Variants in BTNL9 observed in about 807,000 individuals in gnomAD.
BTNL9 encodes butyrophilin like 9, also known as butyrophilin-like protein 9.
In BTNL9, 45 loss-of-function variants were observed where a neutral mutation model predicts 45.8. The observed-to-expected ratio is 0.98, with a 90% CI of 0.77 to 1.26. BTNL9 has a LOEUF of 1.26. Ranked by LOEUF, BTNL9 falls within the 50% of genes most tolerant of loss-of-function variation. The pLI is 0.00. For synonymous variants in BTNL9, 346 were observed against 330.8 expected, an observed-to-expected ratio of 1.05 and a Z score of -0.50; for missense variants, 784 against 729.7, an observed-to-expected ratio of 1.07 and a Z score of -0.86.
intron 6 of BTNL9, 73 bp from the exon 7 acceptor site, chr5:181,054,166 G>A: frequency 6.2e-7 from 1 of 1,602,740 alleles, no homozygotes; most frequent in Non-Finnish European, 8.5e-7. Flanking sequence ...TCACCCATCT[G>A]TTCTGTCTGC....
In BTNL9 at chr5:181,045,487, G is replaced by T; in HGVS notation, c.-3G>T. ...TCCAGGTGGCCCCCACTGCTGACGA[G>T]AGATGGTGGACCTCTCAGTCTCCCC... On this transcript the variant is annotated 5_prime_UTR_variant, in exon 2 of 11. Transcript: ENST00000327705. The T allele has an allele frequency of 6.3e-7, 1 of 1,597,774 alleles. No homozygotes were observed. The highest frequency in any genetic ancestry group is 1.1e-5 in the South Asian group (1 of 90,860).
chr5:181,043,913 C>T (rs182473330), intron 1 of BTNL9, among the ~76,000 whole-genome samples: 86 of 152,350 alleles, frequency 5.6e-4, no homozygotes, highest in African/African-American at 2.0e-3. Flanking sequence ...AGGCCTCTGC[C>T]CATGCTGGTT....
At chr5:181,043,975 CG>C (rs1561973435) in intron 1 of BTNL9, among the ~76,000 whole-genome samples, 1 of 152,340 alleles carries the variant, frequency 6.6e-6, no homozygotes, top group East Asian at 1.9e-4. Flanking sequence ...GGCCCCGCTT[CG>C]GGGGGACCCC....
chr5:181,054,928 G>C (rs1761796533), intron 7 of BTNL9: 2 of 985,492 alleles, frequency 2.0e-6, no homozygotes, highest in Middle Eastern at 5.2e-4. Context: ...TTTTGAAAGA[G>C]CTTGACATTG....
chr5:181,052,349 TAC>T (rs954282815), intron 4 of BTNL9, among the ~76,000 whole-genome samples: 5 of 152,048 alleles, frequency 3.3e-5, no homozygotes, highest in African/African-American at 1.2e-4. Context: ...GTTTAATAAG[TAC>T]AGAGTTTCAG....
Position 181,050,817 on chromosome 5 carries a change from A to T in BTNL9, c.736+448A>T, listed in dbSNP as rs1761490455. ...GAAGGTGGTAGGTGCAGCCGGGTGCAGTGGCTCACGCCTGTAATCCCAGCA... is the reference window on the plus strand; with the variant it reads ...GAAGGTGGTAGGTGCAGCCGGGTGCTGTGGCTCACGCCTGTAATCCCAGCA... On this transcript the variant is annotated intron_variant, in intron 4 of 10. Transcript: ENST00000327705. The surrounding 1 kb of genome is among the most constrained non-coding windows in gnomAD (Gnocchi z 4.9). Among the ~76,000 whole-genome samples, 1 of 152,190 alleles carries T rather than the reference A, an allele frequency of 6.6e-6. No homozygotes were observed. The highest frequency in any genetic ancestry group is 2.1e-4 in the South Asian group (1 of 4,816).
In BTNL9 at chr5:181,053,201, C is replaced by A; in HGVS notation, c.738C>A (p.Asp246Glu). 1 of 1,578,470 alleles carries A rather than the reference C, an allele frequency of 6.3e-7. No individual in the cohort carries two copies. Among genetic ancestry groups the A allele is most frequent in the South Asian group, 1.1e-5 (1 of 87,734 alleles). ...ACGGCCCCCGCGGGTGTTTTCCAGA[C>A]GTGTTCGTACCCGGAGCCTCTGCGT... is the stretch of plus-strand genomic sequence containing the variant. ...QKKELVVQIA[D>E]VFVPGASAWK... The change falls in exon 5 of 11, where the codon GAC (aspartate) becomes GAA (glutamate). Residue 246 changes from aspartate (D) to glutamate (E), a missense_variant and splice_region_variant. Physicochemically the swap from Asp to Glu is conservative, Grantham distance 45. Transcript: ENST00000327705. This position sits in a 1 kb window ranked among gnomAD's most constrained non-coding sequence, Gnocchi z 6.5.
At chr5:181,046,698 CGAGA>C (rs937743708) in intron 2 of BTNL9, among the ~76,000 whole-genome samples, 6 of 143,990 alleles carry the variant, frequency 4.2e-5, no homozygotes, top group Non-Finnish European at 9.0e-5. Flanking sequence ...AGAGAGAGAG[CGAGA>C]GAGAGAGGGA....
At position 181,053,386 on chromosome 5, in the gene BTNL9, T is replaced by A; in HGVS notation, c.853+70T>A. The A allele has an allele frequency of 6.6e-7, 1 of 1,514,940 alleles. No individual in the cohort carries two copies. The highest frequency in any genetic ancestry group is 1.3e-5 in the South Asian group (1 of 79,156). The allele number at this position is 1,514,940 out of a possible 1,614,324, so 93.8% of individuals were successfully genotyped here. On this transcript the variant is annotated intron_variant, in intron 5 of 10. Transcript: ENST00000327705. This position sits in a 1 kb window ranked among gnomAD's most constrained non-coding sequence, Gnocchi z 6.5. Reference sequence around the variant, plus strand: ...TGAACCCCGGGGCCGCGGAGGCGCCTCCCCCCAGGACGCGGCGCGGGAAGG... The same window carrying A: ...TGAACCCCGGGGCCGCGGAGGCGCCACCCCCCAGGACGCGGCGCGGGAAGG...
intron 1 of BTNL9, among the ~76,000 whole-genome samples, 182 bp downstream of exon 1, chr5:181,040,614 G>A (rs937140854): frequency 5.9e-5 from 9 of 152,194 alleles, no homozygotes; most frequent in Non-Finnish European, 1.0e-4. Context: ...CCGTTTAGGT[G>A]GGCCGCATCT....
rs1760844008 is a variant in BTNL9 at position 181,042,778 on chromosome 5, G to A, written c.-24+2346G>A. 6.6e-6 allele frequency among the ~76,000 whole-genome samples: 1 copy of A among 152,146 alleles called. No individual in the cohort carries two copies. Among genetic ancestry groups the A allele is most frequent in the Non-Finnish European group, 1.5e-5 (1 of 68,026 alleles). ...TATTCATTAGTTGGCTGGTTGGCTG[G>A]TTTTGTGGCTGGCACCGTGTGAGCC... On this transcript the variant is annotated intron_variant, in intron 1 of 10. Coordinates refer to ENST00000327705, the MANE Select transcript of BTNL9 (RefSeq NM_152547.5). This position sits in a 1 kb window ranked among gnomAD's most constrained non-coding sequence, Gnocchi z 4.5.
rs1761268499 is a variant in BTNL9 at position 181,047,918 on chromosome 5, T to C, written c.110-9T>C. The C allele has an allele frequency of 6.2e-7, 1 of 1,607,502 alleles. No individual in the cohort carries two copies. On this transcript the variant is annotated splice_polypyrimidine_tract_variant and intron_variant, in intron 2 of 10. Transcript: ENST00000327705. ...GGTTGCTTTTGCCTGTTCTGACTTG[T>C]CATCCTAGAGGTCAAGGTGCTAGGC...
chr5:181,060,101 A>C lies in BTNL9; in HGVS notation c.*239A>C. ...GGACTGAGCGAAGGAGTACAAATATATCCACGTCGCTCAGAGCTGGGGTGC... is the reference window on the plus strand; with the variant it reads ...GGACTGAGCGAAGGAGTACAAATATCTCCACGTCGCTCAGAGCTGGGGTGC... On this transcript the variant is annotated 3_prime_UTR_variant, in exon 11 of 11. Coordinates refer to ENST00000327705, the MANE Select transcript of BTNL9 (RefSeq NM_152547.5). 7.9e-6 allele frequency: 4 copies of C among 503,166 alleles called. No individual in the cohort carries two copies. Among genetic ancestry groups the C allele is most frequent in the East Asian group, 3.2e-5 (1 of 31,436 alleles). 31.2% of individuals were successfully genotyped at this position (503,166 alleles called of 1,614,324 possible). A position where few individuals can be genotyped will look rare whatever the true frequency, so the allele number is the denominator to read the frequency against.
In BTNL9 at chr5:181,051,104, C is replaced by G. The variant is rs992553045; in HGVS notation, c.736+735C>G. ...AAAAAAAAAACAAAAAAAAAAAAAA[C>G]AAGAAGAAGGTGGTAGGTGCCGTAG... On this transcript the variant is annotated intron_variant, in intron 4 of 10. Coordinates refer to ENST00000327705, the MANE Select transcript of BTNL9 (RefSeq NM_152547.5). Among the ~76,000 whole-genome samples the G allele has an allele frequency of 8.4e-4, 100 of 118,880 alleles. 2 individuals carry two copies. Among genetic ancestry groups the G allele is most frequent in the East Asian group, 1.3e-3 (6 of 4,500 alleles). The allele number at this position is 118,880 out of a possible 152,430, so 78.0% of individuals were successfully genotyped here.
intron 3 of BTNL9, among the ~76,000 whole-genome samples, chr5:181,048,798 A>G (rs1471268580): frequency 4.3e-5 from 1 of 23,094 alleles, no homozygotes; most frequent in African/African-American, 2.2e-4. Context: ...ATATAGTTAT[A>G]TATTATATAA....
rs372675288 is a variant in BTNL9, at chr5:181,045,484, C to G, written c.-6C>G. On this transcript the variant is annotated 5_prime_UTR_variant, in exon 2 of 11. Coordinates refer to ENST00000327705, the MANE Select transcript of BTNL9 (RefSeq NM_152547.5). ...CTCTCCAGGTGGCCCCCACTGCTGA[C>G]GAGAGATGGTGGACCTCTCAGTCTC... 1.3e-6 allele frequency: 2 copies of G among 1,585,846 alleles called. No homozygotes were observed. The highest frequency in any genetic ancestry group is 1.3e-5 in the African/African-American group (1 of 74,108).
At position 181,059,273 on chromosome 5, in the gene BTNL9, G is replaced by T. The variant is rs1447943242; in HGVS notation, c.1019G>T (p.Ser340Ile). ...CTGGACCCGGCCTCGGCGCACCCCA[G>T]CCTGGAGGTGTCGGAGGATGGCAAG... is the stretch of plus-strand genomic sequence containing the variant. ...VTLDPASAHP[S>I]LEVSEDGKSV... is the part of the protein sequence containing the mutation. The change falls in exon 11 of 11, where the codon AGC becomes ATC. Residue 340 changes from serine (S) to isoleucine (I), a missense_variant. Transcript: ENST00000327705. 6.4e-7 allele frequency: 1 copy of T among 1,571,810 alleles called. No homozygotes were observed. Among genetic ancestry groups the T allele is most frequent in the Non-Finnish European group, 8.6e-7 (1 of 1,167,514 alleles).
At chr5:181,048,462 T>C (rs79195966) in intron 3 of BTNL9, among the ~76,000 whole-genome samples, 191 bp downstream of exon 3, 2,019 of 151,948 alleles carry the variant, frequency 0.013, 50 homozygotes, top group African/African-American at 0.046. Context: ...AGCCCTTAAA[T>C]ATATGAAAAG....
At chr5:181,044,114 C>A (rs992885567) in intron 1 of BTNL9, among the ~76,000 whole-genome samples, 66 of 152,332 alleles carry the variant, frequency 4.3e-4, no homozygotes, top group African/African-American at 1.4e-3. Context: ...CACCCCTCTT[C>A]CCTTGTATTC....
Sources: gnomAD v4.1 joint callset for allele counts (sites outside exome capture counted in the v4.1 genomes callset) on GRCh38, gnomAD v4.1.1 for gene constraint, Gnocchi (gnomAD v3.1) non-coding constraint, MANE v1.5 for transcripts, NCBI Gene and HGNC (gene_info 2026-07-23, HGNC 2026-07-21) for gene names.